The following GIGYF2 variants were observed in gnomAD, a reference collection of about 807,000 sequenced individuals.
GIGYF2 encodes GRB10 interacting GYF protein 2.
In GIGYF2, 25 loss-of-function variants were observed where a neutral mutation model predicts 208.1. The ratio of observed to expected loss-of-function variants is 0.12; its 90% CI spans 0.09 to 0.17. GIGYF2 has a LOEUF of 0.17. Among genes scored for constraint, GIGYF2 ranks in the 10% least tolerant of loss-of-function variants. The probability of loss-of-function intolerance (pLI) is 1.00; values close to 1 mark genes in which losing one functional copy is unlikely to be tolerated. For missense variants in GIGYF2, 1,302 were observed against 1,579.4 expected (o/e 0.82, Z 2.98); for synonymous variants, 534 against 543.8 (o/e 0.98, Z 0.25).
chr2:232,768,134 A>G, intron 8 of GIGYF2: 3 of 1,566,608 alleles, frequency 1.9e-6, no homozygotes, highest in East Asian at 4.5e-5. Context: ...TACAGTAAAG[A>G]AAAAGTAGCT....
intron 6 of GIGYF2, among the ~76,000 whole-genome samples, chr2:232,759,262 C>T (rs1402175384): frequency 1.3e-5 from 2 of 152,120 alleles, no homozygotes; most frequent in African/African-American, 2.4e-5. Context: ...CAAGATCCAT[C>T]ATTTTTCTTT....
At chr2:232,759,810 G>A (rs1698677062) in intron 6 of GIGYF2, among the ~76,000 whole-genome samples, 1 of 151,988 alleles carries the variant, frequency 6.6e-6, no homozygotes, top group African/African-American at 2.4e-5. Context: ...TTCAGTAAAG[G>A]CCAGTTTATG....
At chr2:232,773,776 TA>T (rs1699383401) in intron 8 of GIGYF2, among the ~76,000 whole-genome samples, 3 of 152,192 alleles carry the variant, frequency 2.0e-5, no homozygotes, top group Admixed American at 2.0e-4. Flanking sequence ...AAGCTCTCAG[TA>T]AAGTATTAGT....
intron 2 of GIGYF2, among the ~76,000 whole-genome samples, chr2:232,720,760 A>T (rs1387752819): frequency 1.3e-5 from 2 of 151,616 alleles, no homozygotes; most frequent in Non-Finnish European, 2.9e-5. Flanking sequence ...ATGCCTAGCT[A>T]ATTTTTGTAT....
chr2:232,776,745 G>A (rs1699530676), intron 8 of GIGYF2: 2 of 390,458 alleles, frequency 5.1e-6, no homozygotes, highest in Non-Finnish European at 9.3e-6. Context: ...TCTGGAGAAA[G>A]CCTCCAGAAC....
chr2:232,787,678 A>G (rs1699957188), intron 9 of GIGYF2, among the ~76,000 whole-genome samples: 1 of 152,218 alleles, frequency 6.6e-6, no homozygotes, highest in South Asian at 2.1e-4. Flanking sequence ...AAAATTACAC[A>G]CTTGAAATAT....
chr2:232,854,043 T>C (rs1167101890), intron 28 of GIGYF2, among the ~76,000 whole-genome samples: 1 of 152,266 alleles, frequency 6.6e-6, no homozygotes, highest in Non-Finnish European at 1.5e-5. Flanking sequence ...TCCACTTCTT[T>C]TGCATATAGT....
intron 8 of GIGYF2, among the ~76,000 whole-genome samples, chr2:232,773,388 TAAAAG>T (rs939188996): frequency 6.6e-6 from 1 of 152,202 alleles, no homozygotes; most frequent in African/African-American, 2.4e-5. Flanking sequence ...CTCAGACAGA[TAAAAG>T]AAATTTACAC....
intron 5 of GIGYF2, among the ~76,000 whole-genome samples, chr2:232,753,176 T>C (rs1333966835): frequency 6.6e-6 from 1 of 151,926 alleles, no homozygotes; most frequent in Non-Finnish European, 1.5e-5. Context: ...CAGGCTAGAG[T>C]GCAGTGGTGT....
intron 22 of GIGYF2, among the ~76,000 whole-genome samples, chr2:232,838,822 A>C (rs151322491): frequency 0.013 from 1,768 of 139,674 alleles, 34 homozygotes; most frequent in African/African-American, 0.045. Flanking sequence ...CCCCTCCCCC[A>C]CCCCAGGGCA....
chr2:232,710,692 C>CTTTTTTTT, intron 2 of GIGYF2, among the ~76,000 whole-genome samples: 1 of 113,978 alleles, frequency 8.8e-6, no homozygotes, highest in Non-Finnish European at 1.8e-5. Context: ...TCTTGGTGTT[C>CTTTTTTTT]TTTTTTTTTT....
At chr2:232,787,944 A>G (rs555791764) in intron 9 of GIGYF2, among the ~76,000 whole-genome samples, 1 of 152,326 alleles carries the variant, frequency 6.6e-6, no homozygotes, top group African/African-American at 2.4e-5. Context: ...GACATTAGAT[A>G]TGCTAGTAAT....
intron 27 of GIGYF2, among the ~76,000 whole-genome samples, chr2:232,848,785 T>G (rs1282549539): frequency 6.6e-6 from 1 of 152,246 alleles, no homozygotes; most frequent in Non-Finnish European, 1.5e-5. Context: ...ACTGGGAATA[T>G]ATGCCTTTAG....
intron 9 of GIGYF2, 55 bp from the exon 10 acceptor site, chr2:232,790,643 A>G: frequency 7.3e-7 from 1 of 1,378,460 alleles, no homozygotes; most frequent in South Asian, 1.2e-5. Context: ...TGATTTTCTT[A>G]TTCAAATACT....
chr2:232,807,070 A>C (rs757730075), intron 15 of GIGYF2, among the ~76,000 whole-genome samples: 23 of 152,160 alleles, frequency 1.5e-4, no homozygotes, highest in African/African-American at 4.1e-4. Context: ...TGCTTCCTCT[A>C]GTTAGAATAA....
At chr2:232,745,399 G>A (rs1353795285) in intron 3 of GIGYF2, among the ~76,000 whole-genome samples, 1 of 152,058 alleles carries the variant, frequency 6.6e-6, no homozygotes, top group Non-Finnish European at 1.5e-5. Flanking sequence ...AAGACTGCTA[G>A]GGTCATGTCA....
chr2:232,831,434 G>A (rs1021406129), intron 21 of GIGYF2, among the ~76,000 whole-genome samples: 1 of 152,160 alleles, frequency 6.6e-6, no homozygotes, highest in African/African-American at 2.4e-5. Context: ...CTACATGCCA[G>A]TTACTGTGCT....
intron 8 of GIGYF2, among the ~76,000 whole-genome samples, chr2:232,774,560 T>A (rs145615860): frequency 4.9e-4 from 74 of 152,318 alleles, no homozygotes; most frequent in Middle Eastern, 3.4e-3. Flanking sequence ...AATAAAATTA[T>A]GATGACATAA....
chr2:232,761,976 TAATTTGTATTTA>T (rs1200527021), intron 8 of GIGYF2, among the ~76,000 whole-genome samples: 4 of 151,696 alleles, frequency 2.6e-5, no homozygotes, highest in African/African-American at 4.8e-5. Flanking sequence ...GAATTAATCA[TAATTTGTATTTA>T]AATTTGTATT....
Sources: allele counts gnomAD v4.1 joint callset (sites outside exome capture counted in the v4.1 genomes callset), GRCh38; gene constraint gnomAD v4.1.1; transcripts MANE v1.5; gene names NCBI Gene and HGNC (gene_info 2026-07-23, HGNC 2026-07-21).